Variants in ZNF525 observed in about 807,000 individuals in gnomAD.
ZNF525 encodes zinc finger protein 525.
ZNF525 carries 33 observed loss-of-function variants against 37.6 expected under a neutral mutation model. The ratio of observed to expected loss-of-function variants is 0.88; its 90% CI spans 0.67 to 1.17. The LOEUF (loss-of-function observed/expected upper bound fraction) is 1.17, where lower values mean the gene tolerates loss of function less well. ZNF525 is among the 50% of genes most tolerant of loss of function. ZNF525 has a pLI of 0.00. For missense variants in ZNF525, 449 were observed against 543.1 expected (o/e 0.83, Z 1.72); for synonymous variants, 170 against 182.3 (o/e 0.93, Z 0.54).
Position 53,368,191 on chromosome 19 carries a change from C to T in ZNF525, c.-68+2432C>T, listed in dbSNP as rs1443882596. 3.9e-5 allele frequency among the ~76,000 whole-genome samples: 6 copies of T among 152,132 alleles called. No homozygotes were observed. The East Asian group carries it at 1.2e-3, about 29-fold the overall frequency. ...GGCAACTGTCAGTAGGCCTGTGGCA[C>T]ACAGTTCTAATAGAGACCAGAGGGT... is the stretch of plus-strand genomic sequence containing the variant. On this transcript the variant is annotated intron_variant, in intron 1 of 3. Coordinates refer to ENST00000474037, the MANE Select transcript of ZNF525 (RefSeq NM_001348156.2).
chr19:53,372,230 ACT>A lies in ZNF525; in HGVS notation c.-49_-48del. The A allele has an allele frequency of 1.4e-6, 1 of 718,950 alleles. No homozygotes were observed. Among genetic ancestry groups the A allele is most frequent in the East Asian group, 2.4e-5 (1 of 41,094 alleles). 44.5% of individuals were successfully genotyped at this position (718,950 alleles called of 1,614,324 possible). On this transcript the variant is annotated 5_prime_UTR_variant, in exon 2 of 4. Transcript: ENST00000474037. ...TATCACTCAGGATTGACATCTAAAG[ACT>A]CTTGGTACATGAGGAAGAAACCCGG...
chr19:53,376,444 G>C, intron 3 of ZNF525: 2 of 581,960 alleles, frequency 3.4e-6, no homozygotes, highest in East Asian at 5.9e-5. Flanking sequence ...TGTATTTCTT[G>C]ATTTTTTTTG....
intron 2 of ZNF525, among the ~76,000 whole-genome samples, chr19:53,373,261 TTTG>T (rs1319662089): frequency 1.3e-5 from 2 of 151,988 alleles, no homozygotes; most frequent in African/African-American, 4.8e-5. Flanking sequence ...CCAAGCTAAT[TTTG>T]TTGTATTTTT....
chr19:53,382,207 G>A lies in ZNF525; in HGVS notation c.*188G>A. ...AAATCAAACCTTGAAAGACATAGGA[G>A]AATTCACACTGGTGAGAAACCTTAC... On this transcript the variant is annotated 3_prime_UTR_variant, in exon 4 of 4. Transcript: ENST00000474037. The A allele has an allele frequency of 6.3e-7, 1 of 1,585,918 alleles. No homozygotes were observed. The highest frequency in any genetic ancestry group is 8.7e-7 in the Non-Finnish European group (1 of 1,154,966).
intron 1 of ZNF525, among the ~76,000 whole-genome samples, chr19:53,369,627 T>A (rs2085471011): frequency 6.8e-6 from 1 of 147,820 alleles, no homozygotes; most frequent in African/African-American, 2.6e-5. Context: ...TTCGCACTTC[T>A]GCATTTTATA....
chr19:53,381,334 T>G lies in ZNF525; in HGVS notation c.755T>G (p.Phe252Cys). The change falls in exon 4 of 4, where the codon TTT (phenylalanine) becomes TGT (cysteine). Residue 252 changes from phenylalanine to cysteine, a missense_variant. Phe to Cys is a radical substitution (Grantham distance 205). Transcript: ENST00000474037. ...AAATGTGATGTATGTGACAAGGTCT[T>G]TATTCGGAAGCGATACCTTGCACGC... ...QYKCDVCDKV[F>C]IRKRYLARHR... 1 of 1,562,888 alleles carries G rather than the reference T, an allele frequency of 6.4e-7. No individual in the cohort carries two copies. Among genetic ancestry groups the G allele is most frequent in the Non-Finnish European group, 8.8e-7 (1 of 1,133,356 alleles).
intron 1 of ZNF525, among the ~76,000 whole-genome samples, chr19:53,366,011 C>G (rs1300554002): frequency 2.0e-5 from 3 of 152,150 alleles, no homozygotes; most frequent in Non-Finnish European, 2.9e-5. Flanking sequence ...TTTTCCTGCT[C>G]TAAACCTTTT....
chr19:53,370,291 T>C (rs2085478107), intron 1 of ZNF525, among the ~76,000 whole-genome samples: 1 of 150,888 alleles, frequency 6.6e-6, no homozygotes, highest in South Asian at 2.1e-4. Flanking sequence ...GTTGGGTGGA[T>C]GCCTGTAGTC....
In ZNF525 at chr19:53,381,767, A is replaced by T; in HGVS notation, c.1188A>T (p.Ser396=). ...GTGGCAAGACCTTCAGTCATATGTCAACCCTTACATGCCATCGTAGACTTC... is the reference window on the plus strand; with the variant it reads ...GTGGCAAGACCTTCAGTCATATGTCTACCCTTACATGCCATCGTAGACTTC... The part of the protein sequence containing the change: ...NDCGKTFSHM[S]TLTCHRRLHT... The change falls in exon 4 of 4, where the codon TCA becomes TCT. Residue 396 remains serine, a synonymous_variant. Coordinates refer to ENST00000474037, the MANE Select transcript of ZNF525 (RefSeq NM_001348156.2). The T allele has an allele frequency of 9.5e-7, 1 of 1,056,962 alleles. No homozygotes were observed. The highest frequency in any genetic ancestry group is 1.3e-5 in the South Asian group (1 of 79,736). The allele number at this position is 1,056,962 out of a possible 1,614,324, so 65.5% of individuals were successfully genotyped here.
At position 53,381,185 on chromosome 19, in the gene ZNF525, C is replaced by T. The variant is rs1437376106; in HGVS notation, c.606C>T (p.Leu202=). 2.2e-6 allele frequency: 3 copies of T among 1,352,998 alleles called. No homozygotes were observed. Among genetic ancestry groups the T allele is most frequent in the Admixed American group, 1.7e-5 (1 of 59,664 alleles). The allele number at this position is 1,352,998 out of a possible 1,614,324, so 83.8% of individuals were successfully genotyped here. ...YGDNFLNYSL[L]TQRQEVRMRE... ...ATAATTTTCTGAATTATTCATTACT[C>T]ACACAAAGACAGGAAGTACGCATGA... Residue 202 remains leucine, a synonymous_variant, in exon 4 of 4, where the codon CTC becomes CTT. Coordinates refer to ENST00000474037, the MANE Select transcript of ZNF525 (RefSeq NM_001348156.2).
intron 1 of ZNF525, among the ~76,000 whole-genome samples, chr19:53,366,861 G>C (rs8107893): frequency 0.027 from 4,068 of 149,488 alleles, 166 homozygotes; most frequent in African/African-American, 0.092. Flanking sequence ...AGATGGTGTT[G>C]CGGGAAACTG....
At chr19:53,373,319 C>G (rs1404572734) in intron 2 of ZNF525, among the ~76,000 whole-genome samples, 4 of 152,108 alleles carry the variant, frequency 2.6e-5, no homozygotes, top group African/African-American at 4.8e-5. Context: ...GTCTCAAACT[C>G]TTAACCTCAG....
In ZNF525 at chr19:53,380,818, A is replaced by G. The variant is rs749714443; in HGVS notation, c.239A>G (p.His80Arg). 7.0e-7 allele frequency: 1 copy of G among 1,430,554 alleles called. No homozygotes were observed. The highest frequency in any genetic ancestry group is 1.1e-5 in the South Asian group (1 of 87,148). 88.6% of individuals were successfully genotyped at this position (1,430,554 alleles called of 1,614,324 possible). Residue 80 changes from histidine (H) to arginine (R), a missense_variant, in exon 4 of 4, where the codon CAT (histidine) becomes CGT (arginine). Transcript: ENST00000474037. ...HTGTLQRHER[H>R]HIGDFSFQEI... ...GGGACATTGCAAAGACATGAACGTC[A>G]TCACATTGGAGATTTTTCCTTCCAG...
chr19:53,384,615 TC>T lies in ZNF525; in HGVS notation c.*2597del. ...TTGTTTATTATTAAAATATGGAAAT[TC>T]AACTAATTTTTGGTGCTGATACTGT... is the stretch of plus-strand genomic sequence containing the variant. On this transcript the variant is annotated 3_prime_UTR_variant, in exon 4 of 4. Transcript: ENST00000474037. 5.6e-6 allele frequency: 1 copy of T among 179,884 alleles called. No homozygotes were observed. The highest frequency in any genetic ancestry group is 1.2e-5 in the Non-Finnish European group (1 of 86,592). The allele number at this position is 179,884 out of a possible 1,614,324, so 11.1% of individuals were successfully genotyped here.
At position 53,386,424 on chromosome 19, in the gene ZNF525, G is replaced by A. The variant is rs930186814; in HGVS notation, c.*4405G>A. 2.6e-6 allele frequency: 2 copies of A among 779,204 alleles called. No homozygotes were observed. Among genetic ancestry groups the A allele is most frequent in the Non-Finnish European group, 4.4e-6 (2 of 451,610 alleles). 48.3% of individuals were successfully genotyped at this position (779,204 alleles called of 1,614,324 possible). A position where few individuals can be genotyped will look rare whatever the true frequency, so the allele number is the denominator to read the frequency against. On this transcript the variant is annotated 3_prime_UTR_variant, in exon 4 of 4. Coordinates refer to ENST00000474037, the MANE Select transcript of ZNF525 (RefSeq NM_001348156.2). ...GTGAGATGGCACACATATTTATGCT[G>A]TCTGAGCATCACAATCACGTTACCA...
rs2085450047 is a variant in ZNF525 at position 53,366,789 on chromosome 19, AGT to A, written c.-68+1032_-68+1033del. Among the ~76,000 whole-genome samples the A allele has an allele frequency of 1.6e-5, 2 of 125,428 alleles. 1 individual carries two copies. The highest frequency in any genetic ancestry group is 5.2e-4 in the South Asian group (2 of 3,880). 82.3% of individuals were successfully genotyped at this position (125,428 alleles called of 152,430 possible). A position where few individuals can be genotyped will look rare whatever the true frequency, so the allele number is the denominator to read the frequency against. The stretch of plus-strand genomic sequence containing the variant: ...CACCTGGGGATCTGGGGTGCCAGAG[AGT>A]GGGGACAGGGGGTATAACAGAGAAG... On this transcript the variant is annotated intron_variant, in intron 1 of 3. Coordinates refer to ENST00000474037, the MANE Select transcript of ZNF525 (RefSeq NM_001348156.2).
At chr19:53,366,363 A>C (rs8104098) in intron 1 of ZNF525, among the ~76,000 whole-genome samples, 73,742 of 135,724 alleles carry the variant, frequency 0.54, 20,004 homozygotes, top group Admixed American at 0.6. Context: ...CTGGAAAATA[A>C]GCTCCTCCGG....
intron 3 of ZNF525, chr19:53,379,532 T>C (rs2147071985): frequency 6.6e-6 from 1 of 152,238 alleles, no homozygotes; most frequent in East Asian, 1.9e-4. Context: ...TAAGTAGAAG[T>C]TGTGCTTTTT....
Position 53,380,707 on chromosome 19 carries a change from G to T in ZNF525, c.143-15G>T. 1 of 1,089,752 alleles carries T rather than the reference G, an allele frequency of 9.2e-7. No individual in the cohort carries two copies. The highest frequency in any genetic ancestry group is 2.4e-5 in the East Asian group (1 of 42,350). 67.5% of individuals were successfully genotyped at this position (1,089,752 alleles called of 1,614,324 possible). ...TATTGTCTTTTGTGTACCTATTAGT[G>T]TTTATATTTTGTAGGTATCTCTTCC... On this transcript the variant is annotated splice_polypyrimidine_tract_variant and intron_variant, in intron 3 of 3. Coordinates refer to ENST00000474037, the MANE Select transcript of ZNF525 (RefSeq NM_001348156.2).
Sources: allele counts gnomAD v4.1 joint callset (sites outside exome capture counted in the v4.1 genomes callset), GRCh38; gene constraint gnomAD v4.1.1; transcripts MANE v1.5; gene names NCBI Gene and HGNC (gene_info 2026-07-23, HGNC 2026-07-21).